GRHL3: variants seen among roughly 807,000 people sequenced by gnomAD.
GRHL3 encodes grainyhead-like protein 3 homolog.
A neutral mutation model predicts 70.3 loss-of-function variants in GRHL3; 20 were observed. The observed-to-expected ratio is 0.28, with a 90% CI of 0.20 to 0.41. The LOEUF (loss-of-function observed/expected upper bound fraction) is 0.41, where lower values mean the gene tolerates loss of function less well. Ranked by LOEUF, GRHL3 falls within the 10% of genes least tolerant of loss-of-function variation. The pLI, the probability that GRHL3 is intolerant of heterozygous loss-of-function variation, is 1.00. For synonymous variants in GRHL3, 299 were observed against 299.9 expected (o/e 1.00, Z 0.03); for missense variants, 637 against 762.3 (o/e 0.84, Z 1.94).
intron 8 of GRHL3, among the ~76,000 whole-genome samples, chr1:24,341,171 G>A (rs923996385): frequency 6.6e-6 from 1 of 152,186 alleles, no homozygotes; most frequent in Non-Finnish European, 1.5e-5. Flanking sequence ...CAATCACCAG[G>A]TGACCTTGCC....
intron 3 of GRHL3, among the ~76,000 whole-genome samples, chr1:24,335,292 G>A (rs1182649802): frequency 6.6e-6 from 1 of 152,208 alleles, no homozygotes; most frequent in East Asian, 1.9e-4. Flanking sequence ...TGGCATTAGT[G>A]CCCCAGGGCA....
chr1:24,363,501 C>T (rs1641255850), intron 15 of GRHL3, among the ~76,000 whole-genome samples: 1 of 152,200 alleles, frequency 6.6e-6, no homozygotes, highest in African/African-American at 2.4e-5. Flanking sequence ...GGGTTTGAAT[C>T]CCCACTTCCC....
At chr1:24,350,687 C>T (rs758527737) in intron 15 of GRHL3, among the ~76,000 whole-genome samples, 5 of 152,134 alleles carry the variant, frequency 3.3e-5, no homozygotes, top group Admixed American at 6.5e-5. Flanking sequence ...GAGTGGCTGG[C>T]GATGAGTCTG....
At chr1:24,335,773 G>T (rs961679549) in intron 3 of GRHL3, among the ~76,000 whole-genome samples, 1 of 152,042 alleles carries the variant, frequency 6.6e-6, no homozygotes, top group Non-Finnish European at 1.5e-5. Context: ...TAGTAGAGAT[G>T]GGGTTTCACC....
chr1:24,357,998 A>G (rs754915909), downstream of GRHL3: 3 of 353,722 alleles, frequency 8.5e-6, no homozygotes, highest in Non-Finnish European at 1.7e-5. Flanking sequence ...GAAGCTGTGG[A>G]CTGGTGGAAA....
intron 15 of GRHL3, chr1:24,364,165 A>G: frequency 6.7e-7 from 1 of 1,487,378 alleles, no homozygotes; most frequent in Non-Finnish European, 9.0e-7. Flanking sequence ...TCAATTCTTG[A>G]CGTTCTCACT....
chr1:24,342,211 G>A lies in GRHL3; in HGVS notation c.1144G>A (p.Gly382Ser). The A allele has an allele frequency of 6.2e-7, 1 of 1,613,618 alleles. No homozygotes were observed. The highest frequency in any genetic ancestry group is 1.1e-5 in the South Asian group (1 of 90,968). Reference protein sequence around the residue: ...LNLQIDTYDCGLGTERLVHRA... With the variant: ...LNLQIDTYDCSLGTERLVHRA... ...CCTGCAGATTGACACCTATGACTGT[G>A]GCTTGGGCACTGAGCGCCTGGTACA... Residue 382 changes from glycine to serine, a missense_variant, in exon 9 of 16, where the codon GGC (glycine) becomes AGC (serine). Physicochemically the swap from Gly to Ser is moderately conservative, Grantham distance 56 (BLOSUM62 0). Transcript: ENST00000361548. The surrounding 1 kb of genome is among the most constrained non-coding windows in gnomAD (Gnocchi z 4.8).
intron 15 of GRHL3, among the ~76,000 whole-genome samples, chr1:24,350,771 G>T (rs1165989304): frequency 6.6e-6 from 1 of 152,204 alleles, no homozygotes. Flanking sequence ...CTCCATCTTT[G>T]CTAGACAGAC....
chr1:24,351,946 T>C (rs1640529982), intron 15 of GRHL3, among the ~76,000 whole-genome samples: 1 of 152,156 alleles, frequency 6.6e-6, no homozygotes, highest in African/African-American at 2.4e-5. Flanking sequence ...CAGAAGCATC[T>C]TGGACTTCTA....
In GRHL3 at chr1:24,322,021, T is replaced by G. The variant is rs920815600; in HGVS notation, c.17+2453T>G. The G allele has an allele frequency of 6.6e-6, 1 of 152,064 alleles. No individual in the cohort carries two copies. Among genetic ancestry groups the G allele is most frequent in the Non-Finnish European group, 1.5e-5 (1 of 67,998 alleles). 9.4% of individuals were successfully genotyped at this position (152,064 alleles called of 1,614,324 possible). A position where few individuals can be genotyped will look rare whatever the true frequency, so the allele number is the denominator to read the frequency against. ...CGAGCTGCCCAGCGTCGGGTTTTCC[T>G]GAAGGTGCGTCGGGGCCCCCGGGGA... On this transcript the variant is annotated intron_variant, in intron 1 of 15. Transcript: ENST00000361548. This position sits in a 1 kb window ranked among gnomAD's most constrained non-coding sequence, Gnocchi z 4.4.
intron 3 of GRHL3, among the ~76,000 whole-genome samples, chr1:24,336,207 C>G (rs970052101): frequency 6.6e-6 from 1 of 151,258 alleles, no homozygotes; most frequent in Non-Finnish European, 1.5e-5. Context: ...AACGATTAAA[C>G]TTTCAGGGTT....
At chr1:24,340,854 T>G in intron 8 of GRHL3, among the ~76,000 whole-genome samples, 1 of 150,708 alleles carries the variant, frequency 6.6e-6, no homozygotes, top group African/African-American at 2.4e-5. Flanking sequence ...GAGTGGGGAG[T>G]TTCGTGGGAA....
rs375050484 is a variant in GRHL3, at chr1:24,360,882, C to T, written c.1695-3303C>T. 4.3e-5 allele frequency: 69 copies of T among 1,613,430 alleles called. 2 individuals are homozygous for T. The South Asian group carries it at 6.6e-4, about 15-fold the overall frequency. On this transcript the variant is annotated intron_variant, in intron 15 of 15. Transcript: ENST00000350501. ...CAGGCAGGCCTGGCTGAGGCGGCGCCGCTGTCCACCGGCTGGTATTGGACA... is the reference window on the plus strand; with the variant it reads ...CAGGCAGGCCTGGCTGAGGCGGCGCTGCTGTCCACCGGCTGGTATTGGACA...
At position 24,347,459 on chromosome 1, in the gene GRHL3, G is replaced by C; in HGVS notation, c.1544-9G>C. 5.6e-6 allele frequency: 9 copies of C among 1,613,164 alleles called. No homozygotes were observed. The highest frequency in any genetic ancestry group is 6.8e-6 in the Non-Finnish European group (8 of 1,179,078). ...CTTCCTTGCACTCAAGCTGGCCCTT[G>C]CTTTTCAGTTCTGCTGTATGTGCGG... On this transcript the variant is annotated splice_polypyrimidine_tract_variant and intron_variant, in intron 13 of 15. Coordinates refer to ENST00000361548, the MANE Select transcript of GRHL3 (RefSeq NM_198173.3).
At chr1:24,363,747 AATCCAGAAATCC>A (rs1009891078) in intron 15 of GRHL3, among the ~76,000 whole-genome samples, 1 of 152,218 alleles carries the variant, frequency 6.6e-6, no homozygotes, top group African/African-American at 2.4e-5. Flanking sequence ...CAACAAGATG[AATCCAGAAATCC>A]ATCCAGAAAT....
At chr1:24,358,576 G>A, downstream of GRHL3, 1 of 1,614,122 alleles carries the variant, frequency 6.2e-7, no homozygotes, top group Non-Finnish European at 8.5e-7. Flanking sequence ...TGTCCTCGTT[G>A]TAGAGGAAGG....
intron 1 of GRHL3, among the ~76,000 whole-genome samples, chr1:24,326,356 C>G (rs1005908855): frequency 6.9e-6 from 1 of 145,688 alleles, no homozygotes; most frequent in African/African-American, 2.6e-5. Flanking sequence ...CACCCCTCTT[C>G]TCCTCCACCC....
Position 24,354,595 on chromosome 1 carries a change from C to T in GRHL3, c.*107C>T. The stretch of plus-strand genomic sequence containing the variant: ...TGCCTCAGCGCTGTTACTTGAATGC[C>T]TTCCCTGAGGGAAGAGGCCCTTGAG... On this transcript the variant is annotated 3_prime_UTR_variant, in exon 16 of 16. Coordinates refer to ENST00000361548, the MANE Select transcript of GRHL3 (RefSeq NM_198173.3). The T allele has an allele frequency of 4.2e-6, 3 of 714,572 alleles. No homozygotes were observed. 44.3% of individuals were successfully genotyped at this position (714,572 alleles called of 1,614,324 possible). A position where few individuals can be genotyped will look rare whatever the true frequency, so the allele number is the denominator to read the frequency against.
chr1:24,336,353 G>C (rs546522974), intron 3 of GRHL3, 129 bp from the exon 4 acceptor site: 7 of 616,678 alleles, frequency 1.1e-5, no homozygotes, highest in Non-Finnish European at 1.4e-5. Context: ...GTCTTATTTC[G>C]TGCATGCTGG....
Sources: gnomAD v4.1 joint callset for allele counts (sites outside exome capture counted in the v4.1 genomes callset) on GRCh38, gnomAD v4.1.1 for gene constraint, Gnocchi (gnomAD v3.1) non-coding constraint, MANE v1.5 for transcripts, NCBI Gene and HGNC (gene_info 2026-07-23, HGNC 2026-07-21) for gene names.